Variants in EPHA6 observed in about 807,000 individuals in gnomAD.
The protein encoded by EPHA6 is EPH receptor A6.
EPHA6 carries 50 observed loss-of-function variants against 112.0 expected under a neutral mutation model. The observed-to-expected ratio is 0.45, with a 90% confidence interval of 0.36 to 0.56. The LOEUF (loss-of-function observed/expected upper bound fraction) is 0.56, where lower values mean the gene tolerates loss of function less well. Ranked by LOEUF, EPHA6 falls within the 20% of genes least tolerant of loss-of-function variation. EPHA6 has a pLI of 0.00. For synonymous variants in EPHA6, 529 were observed against 490.7 expected (o/e 1.08, Z -1.03); for missense variants, 1,280 against 1,417.4 (o/e 0.90, Z 1.56).
Position 97,759,756 on chromosome 3 carries a change from G to A in EPHA6, c.*11055G>A, listed in dbSNP as rs1242150727. The stretch of plus-strand genomic sequence containing the variant: ...TGAGATAAAAGCCAATATGCAGGAT[G>A]GGAAGGACGTATAGGTTGGAAGAGA... On this transcript the variant is annotated 3_prime_UTR_variant, in exon 18 of 18. Transcript: ENST00000389672. The A allele has an allele frequency of 4.4e-6, 1 of 227,078 alleles. No homozygotes were observed. The allele number at this position is 227,078 out of a possible 1,614,324, so 14.1% of individuals were successfully genotyped here.
At chr3:97,000,292 CAT>C (rs1026183123) in intron 3 of EPHA6, among the ~76,000 whole-genome samples, 33 of 148,008 alleles carry the variant, frequency 2.2e-4, no homozygotes, top group South Asian at 6.5e-4. Context: ...CACACACACA[CAT>C]ATATATAGCC....
chr3:96,892,395 G>T lies in EPHA6; in HGVS notation c.450+25506G>T, dbSNP rs191535394. Among the ~76,000 whole-genome samples the T allele has an allele frequency of 5.9e-5, 9 of 151,852 alleles. No individual in the cohort carries two copies. In the East Asian group the frequency reaches 1.8e-3, roughly 30 times the overall value. ...ACCACCACTCCTGGTTAATTTTTTT[G>T]TACTTTTTATAGAGATAGAGTTTCG... On this transcript the variant is annotated intron_variant, in intron 2 of 17. Transcript: ENST00000389672.
chr3:97,684,951 G>A (rs1186836281), intron 14 of EPHA6, among the ~76,000 whole-genome samples: 3 of 152,132 alleles, frequency 2.0e-5, no homozygotes, highest in Non-Finnish European at 4.4e-5. Context: ...CACCTTTAAC[G>A]GGTATTGCAC....
chr3:97,174,013 T>G (rs1214679889), intron 3 of EPHA6, among the ~76,000 whole-genome samples: 1 of 151,624 alleles, frequency 6.6e-6, no homozygotes, highest in African/African-American at 2.4e-5. Context: ...AACCATCACC[T>G]TCTACCTTCC....
At chr3:97,000,287 A>ACACACACACATATATATAGC (rs138184966) in intron 3 of EPHA6, among the ~76,000 whole-genome samples, 4,998 of 147,088 alleles carry the variant, frequency 0.034, 165 homozygotes, top group African/African-American at 0.088. Context: ...ACACACACAC[A>ACACACACACATATATATAGC]CACACATATA....
At chr3:97,002,867 G>A (rs2043720341) in intron 3 of EPHA6, among the ~76,000 whole-genome samples, 1 of 151,838 alleles carries the variant, frequency 6.6e-6, no homozygotes, top group Non-Finnish European at 1.5e-5. Flanking sequence ...TGTGTTTAAA[G>A]GACTATATTT....
At chr3:97,202,971 A>G (rs1316822356) in intron 3 of EPHA6, among the ~76,000 whole-genome samples, 1 of 152,106 alleles carries the variant, frequency 6.6e-6, no homozygotes, top group Non-Finnish European at 1.5e-5. Flanking sequence ...AAGAGCAAGA[A>G]CACCAGTGTG....
At chr3:97,466,588 G>A in intron 7 of EPHA6, 1 of 682,172 alleles carries the variant, frequency 1.5e-6, no homozygotes, top group Admixed American at 2.5e-5. Context: ...TTCTCTGATG[G>A]GTTTGTCTTC....
intron 14 of EPHA6, among the ~76,000 whole-genome samples, chr3:97,689,224 T>C: frequency 6.6e-6 from 1 of 152,228 alleles, no homozygotes; most frequent in East Asian, 1.9e-4. Flanking sequence ...TCGATGTTCA[T>C]ATTAGAGATC....
intron 14 of EPHA6, among the ~76,000 whole-genome samples, chr3:97,644,156 A>G (rs908730187): frequency 6.6e-6 from 1 of 152,108 alleles, no homozygotes; most frequent in Non-Finnish European, 1.5e-5. Context: ...GCTCAACTAC[A>G]TGGAAACTGA....
rs550487681 is a variant in EPHA6 at position 97,287,777 on chromosome 3, T to A, written c.1606+43490T>A. 1.1e-4 allele frequency among the ~76,000 whole-genome samples: 17 copies of A among 152,296 alleles called. No homozygotes were observed. The South Asian group carries it at 3.5e-3, about 32-fold the overall frequency. The stretch of plus-strand genomic sequence containing the variant: ...ATGAATCCCACTTAAATATGATGTG[T>A]TACCTTTTTGATGGGCTGTTGGATT... On this transcript the variant is annotated intron_variant, in intron 5 of 17. Transcript: ENST00000389672.
At chr3:96,829,356 G>T (rs2033870209) in intron 1 of EPHA6, among the ~76,000 whole-genome samples, 1 of 152,060 alleles carries the variant, frequency 6.6e-6, no homozygotes, top group East Asian at 1.9e-4. Flanking sequence ...AGCCTAGGGA[G>T]AATAAATAAT....
intron 3 of EPHA6, among the ~76,000 whole-genome samples, chr3:97,178,863 T>A (rs9854351): frequency 6.6e-6 from 1 of 151,966 alleles, no homozygotes; most frequent in East Asian, 1.9e-4. Flanking sequence ...ATGACCTTCT[T>A]GTATTTGGAT....
rs563167511 is a variant in EPHA6, at chr3:97,709,009, C to A, written c.2785-11252C>A. Among the ~76,000 whole-genome samples, 12 of 152,302 alleles carry A rather than the reference C, an allele frequency of 7.9e-5. No individual in the cohort carries two copies. The South Asian group carries it at 2.5e-3, about 32-fold the overall frequency. The stretch of plus-strand genomic sequence containing the variant: ...GCAGGAGCAGAGCCTTCATGGAGAA[C>A]CTCTACTAGTGCAATGTAGAGGGAA... On this transcript the variant is annotated intron_variant, in intron 14 of 17. Transcript: ENST00000389672.
intron 14 of EPHA6, among the ~76,000 whole-genome samples, chr3:97,656,038 T>C (rs2094136308): frequency 1.3e-5 from 2 of 151,960 alleles, no homozygotes; most frequent in South Asian, 4.1e-4. Flanking sequence ...TGTACTTTTA[T>C]GGTAAACGAA....
At chr3:97,340,687 C>T (rs1048217675) in intron 5 of EPHA6, among the ~76,000 whole-genome samples, 3 of 152,102 alleles carry the variant, frequency 2.0e-5, no homozygotes, top group Admixed American at 2.0e-4. Context: ...AATTTGGTTT[C>T]TGTTAAGGCC....
At chr3:97,080,273 G>A (rs769768970) in intron 3 of EPHA6, among the ~76,000 whole-genome samples, 6 of 152,034 alleles carry the variant, frequency 3.9e-5, no homozygotes, top group Admixed American at 6.6e-5. Context: ...CTTTCAAATC[G>A]AGCTGCAACA....
intron 6 of EPHA6, among the ~76,000 whole-genome samples, chr3:97,438,432 C>A (rs532827591): frequency 1.3e-5 from 2 of 152,226 alleles, no homozygotes; most frequent in Admixed American, 1.3e-4. Context: ...TATATGCTAG[C>A]AAAAGTAATT....
chr3:97,738,923 T>A lies in EPHA6; in HGVS notation c.3128+2805T>A, dbSNP rs887631826. Among the ~76,000 whole-genome samples the A allele has an allele frequency of 2.0e-5, 3 of 152,074 alleles. No homozygotes were observed. The East Asian group carries it at 5.8e-4, about 29-fold the overall frequency. ...GCCTGAACCTTTATCAGCGTTCTCA[T>A]TTTCACAGCAGCCTGGATGGGTTCT... is the stretch of plus-strand genomic sequence containing the variant. On this transcript the variant is annotated intron_variant, in intron 16 of 17. Transcript: ENST00000389672.
Sources: allele counts gnomAD v4.1 joint callset (sites outside exome capture counted in the v4.1 genomes callset), GRCh38; gene constraint gnomAD v4.1.1; transcripts MANE v1.5; gene names NCBI Gene and HGNC (gene_info 2026-07-23, HGNC 2026-07-21).